The following TPO variants were observed in gnomAD, a reference collection of about 807,000 sequenced individuals.
TPO encodes thyroid microsomal antigen.
In TPO, 78 loss-of-function variants were observed where a neutral mutation model predicts 96.9. The observed-to-expected ratio is 0.81, with a 90% CI of 0.67 to 0.97. The LOEUF (loss-of-function observed/expected upper bound fraction) is 0.97, where lower values mean the gene tolerates loss of function less well. TPO is among the 50% of genes least tolerant of loss of function. The probability of loss-of-function intolerance (pLI) is 0.00; values close to 1 mark genes in which losing one functional copy is unlikely to be tolerated. For synonymous variants in TPO, 547 were observed against 538.0 expected, an observed-to-expected ratio of 1.02 and a Z score of -0.23; for missense variants, 1,252 against 1,274.8, an observed-to-expected ratio of 0.98 and a Z score of 0.27.
At chr2:1,466,242 C>T (rs1387615219) in intron 7 of TPO, among the ~76,000 whole-genome samples, 1 of 152,160 alleles carries the variant, frequency 6.6e-6, no homozygotes, top group Non-Finnish European at 1.5e-5. Context: ...GTATGAAACC[C>T]ACCTGATCAT....
In TPO at chr2:1,493,812, G is replaced by A. The variant is rs781334387; in HGVS notation, c.1779G>A (p.Glu593=). 9.9e-6 allele frequency: 16 copies of A among 1,614,178 alleles called. No homozygotes were observed. The African/African-American group carries it at 2.1e-4, about 22-fold the overall frequency. Residue 593 remains glutamate, a synonymous_variant, in exon 11 of 17, where the codon GAG becomes GAA. Coordinates refer to ENST00000329066, the MANE Select transcript of TPO (RefSeq NM_001206744.2). ...CTCTCCCCTGTGCAGGTTACAATGA[G>A]TGGAGGGAGTTCTGCGGCCTGCCTC... ...GRDHGLPGYN[E]WREFCGLPRL...
intron 10 of TPO, among the ~76,000 whole-genome samples, chr2:1,489,952 T>C (rs1029485106): frequency 8.6e-6 from 1 of 116,902 alleles, no homozygotes; most frequent in Non-Finnish European, 1.9e-5. Context: ...GACAGAGCAG[T>C]GTAAGAGCCG....
intron 15 of TPO, among the ~76,000 whole-genome samples, chr2:1,537,526 C>CCGAAATCCTTCCACTCTGTGCA: frequency 6.6e-5 from 5 of 75,634 alleles, no homozygotes; most frequent in Non-Finnish European, 1.1e-4. Flanking sequence ...GTGCAACCTC[C>CCGAAATCCTTCCACTCTGTGCA]GCCTATCCCC....
Position 1,400,568 on chromosome 2 carries a change from C to CAAAAAAAAAAAAAA in TPO, n.180+26173_180+26186dup, listed in dbSNP as rs34242408. On this transcript the variant is annotated intron_variant and non_coding_transcript_variant, in intron 1 of 5. Transcript: ENST00000497517. ...TGGATAAAGAAGTGAGACTCTGTCT[C>CAAAAAAAAAAAAAA]AAAAAAAAAAAAAAAAAAAAGAAAT... Among the ~76,000 whole-genome samples the CAAAAAAAAAAAAAA allele has an allele frequency of 5.7e-4, 41 of 71,590 alleles. 1 individual carries two copies. Among genetic ancestry groups the CAAAAAAAAAAAAAA allele is most frequent in the African/African-American group, 2.0e-3 (37 of 18,198 alleles). The allele number at this position is 71,590 out of a possible 152,430, so 47.0% of individuals were successfully genotyped here.
chr2:1,510,710 G>A (rs910626172), intron 14 of TPO, among the ~76,000 whole-genome samples: 1 of 152,100 alleles, frequency 6.6e-6, no homozygotes, highest in African/African-American at 2.4e-5. Context: ...ACCGTGACCG[G>A]GGCCAGGAGC....
At chr2:1,530,089 C>A (rs1441631830) in intron 15 of TPO, among the ~76,000 whole-genome samples, 7 of 142,000 alleles carry the variant, frequency 4.9e-5, no homozygotes, top group African/African-American at 1.1e-4. Context: ...CTCCTCAAAT[C>A]CCCCCACTGT....
At chr2:1,525,921 A>T (rs1229173987) in intron 15 of TPO, among the ~76,000 whole-genome samples, 1 of 100,214 alleles carries the variant, frequency 1.0e-5, no homozygotes, top group Non-Finnish European at 2.0e-5. Flanking sequence ...AAATCCCCCC[A>T]CTGTGCGCAA....
At chr2:1,484,893 T>A (rs761652842) in intron 9 of TPO, 39 bp downstream of exon 9, 2 of 1,610,146 alleles carry the variant, frequency 1.2e-6, no homozygotes, top group Non-Finnish European at 1.7e-6. Flanking sequence ...CCCCATGAAC[T>A]CTTCCTTCTT....
intron 11 of TPO, among the ~76,000 whole-genome samples, chr2:1,494,512 G>A (rs1472839471): frequency 2.6e-5 from 4 of 152,144 alleles, no homozygotes; most frequent in Non-Finnish European, 4.4e-5. Flanking sequence ...GATGGTTGCC[G>A]GTAGCAGAAA....
In TPO at chr2:1,542,683, TTTG is replaced by T. The variant is rs1304940068; in HGVS notation, c.*212_*214del. ...GCCTTTTCTTGTAAACATTGCCTGA[TTTG>T]TTCCTTCTGGGGCTTTGCCATTAAA... On this transcript the variant is annotated 3_prime_UTR_variant, in exon 17 of 17. Coordinates refer to ENST00000329066, the MANE Select transcript of TPO (RefSeq NM_001206744.2). 1.4e-6 allele frequency: 2 copies of T among 1,454,838 alleles called. No individual in the cohort carries two copies. The highest frequency in any genetic ancestry group is 9.3e-7 in the Non-Finnish European group (1 of 1,071,516). 90.1% of individuals were successfully genotyped at this position (1,454,838 alleles called of 1,614,324 possible). A position where few individuals can be genotyped will look rare whatever the true frequency, so the allele number is the denominator to read the frequency against.
At chr2:1,510,812 T>G (rs1674027536) in intron 14 of TPO, among the ~76,000 whole-genome samples, 1 of 152,154 alleles carries the variant, frequency 6.6e-6, no homozygotes, top group Admixed American at 6.5e-5. Flanking sequence ...CGTGGTGATT[T>G]ACAGACTTAG....
intron 15 of TPO, among the ~76,000 whole-genome samples, chr2:1,529,692 C>G (rs1330249159): frequency 3.1e-4 from 28 of 90,334 alleles, no homozygotes; most frequent in Non-Finnish European, 4.5e-4. Context: ...CTCCTCAAAT[C>G]CCCCCACTGC....
At position 1,505,990 on chromosome 2, in the gene TPO, CTCCTAATTTAACATTTGGTATAT is replaced by C. The variant is rs1280442819; in HGVS notation, c.2518+1912_2518+1934del. ...ACTCGTCATTTAACATTTGGTATATCTCCTAATTTAACATTTGGTATATCTCCTAATGCTATCCTTCCCCCCTC... is the reference window on the plus strand; with the variant it reads ...ACTCGTCATTTAACATTTGGTATATCCTCCTAATGCTATCCTTCCCCCCTC... On this transcript the variant is annotated intron_variant, in intron 14 of 16. Coordinates refer to ENST00000329066, the MANE Select transcript of TPO (RefSeq NM_001206744.2). 3.5e-4 allele frequency among the ~76,000 whole-genome samples: 45 copies of C among 128,286 alleles called. No homozygotes were observed. The Admixed American group carries it at 3.5e-3, about 10-fold the overall frequency. The allele number at this position is 128,286 out of a possible 152,430, so 84.2% of individuals were successfully genotyped here.
intron 2 of TPO, among the ~76,000 whole-genome samples, chr2:1,422,351 G>C (rs543775721): frequency 7.1e-6 from 1 of 140,320 alleles, no homozygotes; most frequent in Non-Finnish European, 1.6e-5. Flanking sequence ...GACCGACCTC[G>C]TGCAGGCGCC....
chr2:1,374,887 C>A (rs968820261), intron 1 of TPO, among the ~76,000 whole-genome samples: 10 of 151,392 alleles, frequency 6.6e-5, no homozygotes, highest in Non-Finnish European at 2.9e-5. Flanking sequence ...CCACCACGCC[C>A]AGCTAAATTT....
intron 15 of TPO, among the ~76,000 whole-genome samples, chr2:1,531,339 T>C (rs1370270203): frequency 6.7e-5 from 3 of 44,704 alleles, no homozygotes; most frequent in Non-Finnish European, 8.0e-5. Context: ...CCCAAATCCC[T>C]CCCACTGTGT....
chr2:1,415,478 C>A (rs1171841746), intron 2 of TPO, among the ~76,000 whole-genome samples: 1 of 146,432 alleles, frequency 6.8e-6, no homozygotes. Context: ...GCAGGTGACA[C>A]CTCGCTGGGC....
At position 1,495,745 on chromosome 2, in the gene TPO, A is replaced by AG. The variant is rs1236075400; in HGVS notation, c.2007-241dup. 3.9e-5 allele frequency among the ~76,000 whole-genome samples: 6 copies of AG among 152,082 alleles called. 1 individual carries two copies. The highest frequency in any genetic ancestry group is 3.9e-4 in the Admixed American group (6 of 15,288). On this transcript the variant is annotated intron_variant, in intron 11 of 16. Transcript: ENST00000329066. ...GCTCAGGGGTCTGGGCAGACGCCAC[A>AG]GGGTCTCCTTCAGGTCCTCAGTGCC...
Position 1,542,626 on chromosome 2 carries a change from G to GGATGAATAAATGTTATAGCTGCATTT in TPO, c.*154_*179dup. The GGATGAATAAATGTTATAGCTGCATTT allele has an allele frequency of 6.5e-7, 1 of 1,549,858 alleles. No individual in the cohort carries two copies. The highest frequency in any genetic ancestry group is 8.7e-7 in the Non-Finnish European group (1 of 1,145,536). ...CCATGTCGTAGTTACTCTCAGGCATGGATGAATAAATGTTATAGCTGCATT... is the reference window on the plus strand; with the variant it reads ...CCATGTCGTAGTTACTCTCAGGCATGGATGAATAAATGTTATAGCTGCATTTGATGAATAAATGTTATAGCTGCATT... On this transcript the variant is annotated 3_prime_UTR_variant, in exon 17 of 17. Coordinates refer to ENST00000329066, the MANE Select transcript of TPO (RefSeq NM_001206744.2).
Sources: allele counts gnomAD v4.1 joint callset (sites outside exome capture counted in the v4.1 genomes callset), GRCh38; gene constraint gnomAD v4.1.1; transcripts MANE v1.5; gene names NCBI Gene and HGNC (gene_info 2026-07-23, HGNC 2026-07-21).